The following CLDN10 variants were observed in gnomAD, a reference collection of about 807,000 sequenced individuals.
CLDN10 encodes claudin 10, also known as claudin-10.
A neutral mutation model predicts 22.9 loss-of-function variants in CLDN10; 15 were observed. That is an observed-to-expected ratio of 0.65 (90% CI 0.44 to 1.01). CLDN10 has a LOEUF of 1.01. Ranked by LOEUF, CLDN10 falls within the 50% of genes least tolerant of loss-of-function variation. CLDN10 has a pLI of 0.00. For synonymous variants in CLDN10, 114 were observed against 111.4 expected (o/e 1.02, Z -0.15); for missense variants, 247 against 287.8 (o/e 0.86, Z 1.03).
rs2043968463 is a variant in CLDN10, at chr13:95,578,419, G to C, written c.*405G>C. On this transcript the variant is annotated 3_prime_UTR_variant, in exon 5 of 5. Coordinates refer to ENST00000299339, the MANE Select transcript of CLDN10 (RefSeq NM_006984.5). ...GGAACAATGTCTTATAAACAGCATG[G>C]GGGCAATCTGAGAATATTCCTCAAA... The C allele has an allele frequency of 6.6e-6, 1 of 152,666 alleles. No individual in the cohort carries two copies. Among genetic ancestry groups the C allele is most frequent in the African/African-American group, 2.4e-5 (1 of 41,442 alleles). 9.5% of individuals were successfully genotyped at this position (152,666 alleles called of 1,614,324 possible).
rs9671131 is a variant in CLDN10 at position 95,492,950 on chromosome 13, G to T, written c.214+58903G>T. 9.4e-3 allele frequency among the ~76,000 whole-genome samples: 1,431 copies of T among 152,284 alleles called. 30 individuals carry two copies. The highest frequency in any genetic ancestry group is 0.033 in the African/African-American group (1,362 of 41,552). On this transcript the variant is annotated intron_variant, in intron 1 of 4. Coordinates refer to the CLDN10 transcript ENST00000376873. ...CAAAAACAGACCTTCCGCTTCCCCA[G>T]TGGTGATGTGTGTTTGGAAGAGGAG... is the stretch of plus-strand genomic sequence containing the variant.
intron 1 of CLDN10, among the ~76,000 whole-genome samples, chr13:95,446,773 T>C (rs932627044): frequency 1.3e-5 from 2 of 151,588 alleles, no homozygotes; most frequent in Admixed American, 6.6e-5. Context: ...ACCCAGGAGG[T>C]AGAGGTTGCA....
chr13:95,437,327 G>T (rs76791571), intron 1 of CLDN10, among the ~76,000 whole-genome samples: 2 of 152,186 alleles, frequency 1.3e-5, no homozygotes, highest in Admixed American at 6.5e-5. Context: ...GAGCCTGAAA[G>T]CTTGATTAAA....
chr13:95,460,643 C>G (rs753548996), intron 1 of CLDN10, among the ~76,000 whole-genome samples: 1 of 152,074 alleles, frequency 6.6e-6, no homozygotes, highest in Non-Finnish European at 1.5e-5. Flanking sequence ...GAAGATTTTA[C>G]GAGGATTATG....
At chr13:95,566,684 G>T (rs997502180) in intron 3 of CLDN10, among the ~76,000 whole-genome samples, 1 of 152,158 alleles carries the variant, frequency 6.6e-6, no homozygotes, top group African/African-American at 2.4e-5. Context: ...TTTTAGTCAG[G>T]AAGTCTTTGC....
intron 1 of CLDN10, among the ~76,000 whole-genome samples, chr13:95,507,743 C>A (rs2043053423): frequency 6.6e-6 from 1 of 152,028 alleles, no homozygotes; most frequent in African/African-American, 2.4e-5. Flanking sequence ...CCTGCCTCAG[C>A]CTCCTGAGTA....
intron 1 of CLDN10, among the ~76,000 whole-genome samples, chr13:95,451,610 T>C (rs1420669681): frequency 2.6e-5 from 4 of 152,222 alleles, no homozygotes; most frequent in African/African-American, 9.6e-5. Context: ...CTTCTTTTCT[T>C]GTGGCTTTGC....
intron 1 of CLDN10, among the ~76,000 whole-genome samples, chr13:95,461,901 G>A (rs1223293427): frequency 6.6e-6 from 1 of 151,904 alleles, no homozygotes; most frequent in East Asian, 1.9e-4. Flanking sequence ...AGACCAACCT[G>A]GGCAACATAG....
At chr13:95,523,035 A>C (rs550906240) in intron 1 of CLDN10, among the ~76,000 whole-genome samples, 7 of 152,010 alleles carry the variant, frequency 4.6e-5, no homozygotes, top group African/African-American at 1.7e-4. Flanking sequence ...CATTTAGTTC[A>C]TTTACATCTA....
Position 95,553,077 on chromosome 13 carries a change from C to T in CLDN10, c.220+104C>T, listed in dbSNP as rs564056009. The T allele has an allele frequency of 9.6e-6, 14 of 1,460,264 alleles. No individual in the cohort carries two copies. The African/African-American group carries it at 1.9e-4, about 20-fold the overall frequency. 90.5% of individuals were successfully genotyped at this position (1,460,264 alleles called of 1,614,324 possible). ...CCCCCAGCGGGACCCCTAGACTGGA[C>T]TCCTCTGAGGCCCGACCCGTCTCTC... On this transcript the variant is annotated intron_variant, in intron 1 of 4. Transcript: ENST00000299339.
chr13:95,561,593 T>C (rs547833922), intron 3 of CLDN10, among the ~76,000 whole-genome samples: 45 of 152,328 alleles, frequency 3.0e-4, no homozygotes, highest in African/African-American at 1.1e-3. Context: ...CCAAGTGATG[T>C]GTTCAAGGGA....
At chr13:95,512,477 C>A in intron 1 of CLDN10, among the ~76,000 whole-genome samples, 1 of 152,074 alleles carries the variant, frequency 6.6e-6, no homozygotes, top group Admixed American at 6.5e-5. Flanking sequence ...GTTTTGCCAA[C>A]AAGTCTAGGA....
intron 1 of CLDN10, among the ~76,000 whole-genome samples, chr13:95,538,620 C>T (rs570499256): frequency 1.8e-4 from 27 of 152,326 alleles, no homozygotes; most frequent in African/African-American, 6.5e-4. Context: ...CCTCACGCTG[C>T]ATCTTGGCCA....
rs539721710 is a variant in CLDN10, at chr13:95,545,019, C to G, written c.215-15113C>G. ...TCTCAAACTCCTGACCTCAGGTGAT[C>G]CACCTGCCTCAGCCTCCCAAAGGGC... is the stretch of plus-strand genomic sequence containing the variant. On this transcript the variant is annotated intron_variant, in intron 1 of 4. Transcript: ENST00000376873. Among the ~76,000 whole-genome samples, 207 of 151,674 alleles carry G rather than the reference C, an allele frequency of 1.4e-3. 2 individuals carry two copies. The highest frequency in any genetic ancestry group is 4.8e-3 in the African/African-American group (197 of 41,388).
At chr13:95,475,360 TCCTGGGGA>T (rs766696019) in intron 1 of CLDN10, among the ~76,000 whole-genome samples, 11 of 152,162 alleles carry the variant, frequency 7.2e-5, no homozygotes, top group Non-Finnish European at 1.3e-4. Flanking sequence ...CAGCCCGGCC[TCCTGGGGA>T]CCTGGGCAGA....
chr13:95,519,561 T>C (rs1405278052), intron 1 of CLDN10, among the ~76,000 whole-genome samples: 1 of 152,232 alleles, frequency 6.6e-6, no homozygotes, highest in African/African-American at 2.4e-5. Context: ...ATTTTACAGA[T>C]GTAGAAACAT....
rs2043946370 is a variant in CLDN10, at chr13:95,577,247, G to A, written c.481G>A (p.Ala161Thr). ...FVEQKYELGA[A>T]LFIGWAGASL... ...TTCTCACAGGTATGAATTAGGAGCC[G>A]CTCTGTTTATTGGATGGGCAGGAGC... is the stretch of plus-strand genomic sequence containing the variant. Residue 161 changes from alanine to threonine, a missense_variant, in exon 4 of 5, where the codon GCT becomes ACT. Coordinates refer to ENST00000299339, the MANE Select transcript of CLDN10 (RefSeq NM_006984.5). 2.5e-6 allele frequency: 4 copies of A among 1,613,436 alleles called. No individual in the cohort carries two copies. Among genetic ancestry groups the A allele is most frequent in the Non-Finnish European group, 3.4e-6 (4 of 1,179,504 alleles).
chr13:95,490,956 A>G (rs542798723), intron 1 of CLDN10, among the ~76,000 whole-genome samples: 5 of 152,280 alleles, frequency 3.3e-5, no homozygotes, highest in South Asian at 4.2e-4. Context: ...AGGTGCATAT[A>G]TGTTTAGGAT....
chr13:95,455,490 G>A (rs1436170910), intron 1 of CLDN10, among the ~76,000 whole-genome samples: 2 of 152,112 alleles, frequency 1.3e-5, no homozygotes. Context: ...TAAAATCCTA[G>A]AGAACAGAAA....
Sources: allele counts gnomAD v4.1 joint callset (sites outside exome capture counted in the v4.1 genomes callset), GRCh38; gene constraint gnomAD v4.1.1; transcripts MANE v1.5; gene names NCBI Gene and HGNC (gene_info 2026-07-23, HGNC 2026-07-21).